Variants in GHR observed in about 807,000 individuals in gnomAD.
GHR encodes the protein growth hormone receptor.
GHR carries 35 observed loss-of-function variants against 67.1 expected under a neutral mutation model. The ratio of observed to expected loss-of-function variants is 0.52; its 90% confidence interval spans 0.40 to 0.69. The LOEUF (loss-of-function observed/expected upper bound fraction) is 0.69. Ranked by LOEUF, GHR falls within the 30% of genes least tolerant of loss-of-function variation. GHR has a pLI of 0.00. For missense variants in GHR, 792 were observed against 764.6 expected (o/e 1.04, Z -0.42); for synonymous variants, 272 against 269.1 (o/e 1.01, Z -0.10).
intron 2 of GHR, among the ~76,000 whole-genome samples, chr5:42,585,341 G>A (rs1751419363): frequency 6.6e-6 from 1 of 152,136 alleles, no homozygotes; most frequent in Admixed American, 6.5e-5. Context: ...CAGGTAAAAG[G>A]ACCCTAGATT....
intron 3 of GHR, among the ~76,000 whole-genome samples, chr5:42,644,473 A>G (rs1306491406): frequency 6.6e-6 from 1 of 152,172 alleles, no homozygotes; most frequent in Non-Finnish European, 1.5e-5. Flanking sequence ...GAGAGGGAGA[A>G]TCACGGATTT....
In GHR at chr5:42,572,741, C is replaced by T. The variant is rs556663171; in HGVS notation, c.70+6797C>T. Among the ~76,000 whole-genome samples, 356 of 152,302 alleles carry T rather than the reference C, an allele frequency of 2.3e-3. 1 individual carries two copies. Among genetic ancestry groups the T allele is most frequent in the African/African-American group, 8.2e-3 (340 of 41,572 alleles). On this transcript the variant is annotated intron_variant, in intron 2 of 9. Coordinates refer to ENST00000230882, the MANE Select transcript of GHR (RefSeq NM_000163.5). ...TAAGCCTCAACCTTCACAGTGTACG[C>T]ATCACATTTCCATGGAAGGATTGCA...
At chr5:42,711,965 G>T (rs554523760) in intron 7 of GHR, among the ~76,000 whole-genome samples, 1 of 152,012 alleles carries the variant, frequency 6.6e-6, no homozygotes, top group African/African-American at 2.4e-5. Context: ...TCACAACAAT[G>T]ATTAAAGTTT....
At chr5:42,638,710 G>C (rs953376683) in intron 3 of GHR, among the ~76,000 whole-genome samples, 1 of 152,114 alleles carries the variant, frequency 6.6e-6, no homozygotes, top group Non-Finnish European at 1.5e-5. Context: ...CAAGACTATA[G>C]TTGAAAATTT....
At chr5:42,540,664 G>GC (rs1256410988) in intron 1 of GHR, among the ~76,000 whole-genome samples, 2 of 151,656 alleles carry the variant, frequency 1.3e-5, no homozygotes, top group African/African-American at 4.8e-5. Flanking sequence ...GTGTGAGTCC[G>GC]CCCCTGTCCC....
chr5:42,620,557 T>A (rs879553520), intron 2 of GHR, among the ~76,000 whole-genome samples: 1 of 152,154 alleles, frequency 6.6e-6, no homozygotes, highest in South Asian at 2.1e-4. Flanking sequence ...GGATCCCAAC[T>A]AGGAGAAAGA....
At chr5:42,701,814 T>C (rs141067867) in intron 6 of GHR, among the ~76,000 whole-genome samples, 1 of 152,272 alleles carries the variant, frequency 6.6e-6, no homozygotes, top group East Asian at 1.9e-4. Flanking sequence ...TGTATGAACA[T>C]TTAGAAAAAT....
rs144486543 is a variant in GHR, at chr5:42,686,738, G to T, written c.137-2152G>T. ...CCAATATCATACTGAATGGGCAAAA[G>T]CTAGAAGCATTCCCTTTGAAAACCG... On this transcript the variant is annotated intron_variant, in intron 3 of 9. Transcript: ENST00000230882. Among the ~76,000 whole-genome samples, 807 of 152,238 alleles carry T rather than the reference G, an allele frequency of 5.3e-3. 3 individuals are homozygous for T. Among genetic ancestry groups the T allele is most frequent in the African/African-American group, 0.019 (784 of 41,534 alleles).
Position 42,482,043 on chromosome 5 carries a change from G to A in GHR, c.-12+58088G>A, listed in dbSNP as rs192466273. The stretch of plus-strand genomic sequence containing the variant: ...ACCTTTGGTCTTTGATGATGGTGAC[G>A]TACAGATGGGTTTTTGGTGTGGATG... On this transcript the variant is annotated intron_variant, in intron 1 of 9. Coordinates refer to ENST00000230882, the MANE Select transcript of GHR (RefSeq NM_000163.5). 3.9e-3 allele frequency among the ~76,000 whole-genome samples: 587 copies of A among 152,138 alleles called. 5 individuals are homozygous for A. Among genetic ancestry groups the A allele is most frequent in the Non-Finnish European group, 5.4e-3 (367 of 68,006 alleles).
At chr5:42,711,636 G>A (rs1003946964) in intron 7 of GHR, among the ~76,000 whole-genome samples, 9 of 152,108 alleles carry the variant, frequency 5.9e-5, no homozygotes, top group Non-Finnish European at 1.2e-4. Flanking sequence ...GCAATCTCCG[G>A]ATGGTAGAAT....
chr5:42,644,436 C>G (rs954064668), intron 3 of GHR, among the ~76,000 whole-genome samples: 1 of 151,980 alleles, frequency 6.6e-6, no homozygotes, highest in Non-Finnish European at 1.5e-5. Flanking sequence ...TCTGCAATAA[C>G]AGCAACAAAG....
At chr5:42,427,229 C>G (rs1033039827) in intron 1 of GHR, among the ~76,000 whole-genome samples, 13 of 152,298 alleles carry the variant, frequency 8.5e-5, no homozygotes, top group African/African-American at 2.9e-4. Context: ...CTAATAAAGA[C>G]ATACGTGAGA....
intron 1 of GHR, among the ~76,000 whole-genome samples, chr5:42,450,209 T>C (rs1209835659): frequency 6.6e-6 from 1 of 152,190 alleles, no homozygotes. Flanking sequence ...TATCCAATTC[T>C]TCTTTAAATG....
chr5:42,626,483 T>G lies in GHR; in HGVS notation c.71-2555T>G, dbSNP rs561833413. On this transcript the variant is annotated intron_variant, in intron 2 of 9. Transcript: ENST00000230882. ...GCAGAGTTTCCATGACCTCTCTGAG[T>G]GCAGCATCTTCATGTGTTCAGCTAT... Among the ~76,000 whole-genome samples the G allele has an allele frequency of 3.3e-5, 5 of 152,292 alleles. No homozygotes were observed. In the South Asian group the frequency reaches 1.0e-3, roughly 32 times the overall value.
intron 2 of GHR, among the ~76,000 whole-genome samples, chr5:42,569,148 G>A (rs1466610186): frequency 6.6e-6 from 1 of 152,162 alleles, no homozygotes; most frequent in Non-Finnish European, 1.5e-5. Context: ...AGAACAGAAG[G>A]CTATTACAGG....
intron 3 of GHR, among the ~76,000 whole-genome samples, chr5:42,660,926 G>C (rs1225210919): frequency 1.3e-5 from 2 of 152,196 alleles, no homozygotes; most frequent in Non-Finnish European, 2.9e-5. Context: ...AGCTGATGGA[G>C]CTGAAAACCA....
intron 2 of GHR, among the ~76,000 whole-genome samples, chr5:42,612,945 G>C (rs1729386324): frequency 6.6e-6 from 1 of 151,974 alleles, no homozygotes; most frequent in East Asian, 1.9e-4. Context: ...GCATAAATTG[G>C]GGATGTAGAA....
chr5:42,497,205 A>G (rs553504801), intron 1 of GHR, among the ~76,000 whole-genome samples: 1 of 152,278 alleles, frequency 6.6e-6, no homozygotes, highest in East Asian at 1.9e-4. Context: ...TGTGCTATTC[A>G]CTTAAACTTA....
chr5:42,686,912 T>C (rs1473272158), intron 3 of GHR, among the ~76,000 whole-genome samples: 1 of 152,198 alleles, frequency 6.6e-6, no homozygotes, highest in Non-Finnish European at 1.5e-5. Flanking sequence ...ATGACATGAT[T>C]GTATATTTAG....
Sources: gnomAD v4.1 joint callset for allele counts (sites outside exome capture counted in the v4.1 genomes callset) on GRCh38, gnomAD v4.1.1 for gene constraint, MANE v1.5 for transcripts, NCBI Gene and HGNC (gene_info 2026-07-23, HGNC 2026-07-21) for gene names.